The following ATAD3B variants were observed in gnomAD, a reference collection of about 807,000 sequenced individuals.
The protein encoded by ATAD3B is ATPase family AAA domain-containing protein 3B.
ATAD3B carries 59 observed loss-of-function variants against 70.2 expected under a neutral mutation model. The observed-to-expected ratio is 0.84, with a 90% CI of 0.68 to 1.04. The LOEUF is 1.04. ATAD3B is among the 50% of genes least tolerant of loss of function. ATAD3B has a pLI of 0.00. For synonymous variants in ATAD3B, 423 were observed against 388.6 expected (o/e 1.09, Z -1.04); for missense variants, 961 against 913.4 (o/e 1.05, Z -0.67).
chr1:1,489,732 C>T lies in ATAD3B; in HGVS notation c.1337+458C>T, dbSNP rs774484490. On this transcript the variant is annotated intron_variant, in intron 13 of 15. Transcript: ENST00000673477. ...ACACGGAGGATCAAGTCCTGCTGGTCGGCCGTGGCTGACTCTTCAGGCACG... is the reference window on the plus strand; with the variant it reads ...ACACGGAGGATCAAGTCCTGCTGGTTGGCCGTGGCTGACTCTTCAGGCACG... 544 of 1,309,536 alleles carry T rather than the reference C, an allele frequency of 4.2e-4. 8 individuals are homozygous for T. Among genetic ancestry groups the T allele is most frequent in the Non-Finnish European group, 5.2e-4 (514 of 994,052 alleles). 81.1% of individuals were successfully genotyped at this position (1,309,536 alleles called of 1,614,324 possible).
At chr1:1,491,647 T>C (rs1406436966) in intron 15 of ATAD3B, among the ~76,000 whole-genome samples, 1 of 152,036 alleles carries the variant, frequency 6.6e-6, no homozygotes, top group East Asian at 1.9e-4. Flanking sequence ...GCAGAGTCTG[T>C]GTGACAACCT....
chr1:1,482,585 G>T lies in ATAD3B; in HGVS notation c.721G>T (p.Val241Leu), dbSNP rs1639976516. ...GTTTGGGGAAGGATTCCGTGCCTTT[G>T]TGACAGACCGGGACAAAGTGACAGC... ...TLFGEGFRAF[V>L]TDRDKVTATV... Residue 241 changes from valine (V) to leucine (L), a missense_variant, in exon 7 of 16, where the codon GTG (valine) becomes TTG (leucine). Physicochemically the swap from Val to Leu is conservative, Grantham distance 32. This residue lies in a region of ATAD3B where 349 missense variants were observed against 307.5 expected (regional missense o/e 1.14). Transcript: ENST00000673477. The T allele has an allele frequency of 3.1e-6, 5 of 1,613,260 alleles. No homozygotes were observed. The highest frequency in any genetic ancestry group is 4.2e-6 in the Non-Finnish European group (5 of 1,179,548).
the ATAD3B span, among the ~76,000 whole-genome samples, chr1:1,505,501 T>C: frequency 6.6e-6 from 1 of 152,138 alleles, no homozygotes; most frequent in Non-Finnish European, 1.5e-5. Context: ...GAGTCTTCTC[T>C]AAACTCCCCC....
In ATAD3B at chr1:1,495,959, G is replaced by A; in HGVS notation, c.*142G>A. 14 of 1,396,428 alleles carry A rather than the reference G, an allele frequency of 1.0e-5. No homozygotes were observed. Among genetic ancestry groups the A allele is most frequent in the Non-Finnish European group, 1.2e-5 (13 of 1,077,756 alleles). The allele number at this position is 1,396,428 out of a possible 1,614,324, so 86.5% of individuals were successfully genotyped here. A position where few individuals can be genotyped will look rare whatever the true frequency, so the allele number is the denominator to read the frequency against. The stretch of plus-strand genomic sequence containing the variant: ...GCCACTGTGAGGGTGGGTGCTGGCT[G>A]AGCCCCTGGGGCAGAAGGAGTGGGG... On this transcript the variant is annotated 3_prime_UTR_variant, in exon 16 of 16. Coordinates refer to ENST00000673477, the MANE Select transcript of ATAD3B (RefSeq NM_031921.6).
chr1:1,473,781 A>T (rs1639453117), intron 1 of ATAD3B, among the ~76,000 whole-genome samples: 1 of 152,068 alleles, frequency 6.6e-6, no homozygotes, highest in East Asian at 1.9e-4. Flanking sequence ...GTCCTGAGCC[A>T]CCGCACCCTG....
downstream of ATAD3B, among the ~76,000 whole-genome samples, chr1:1,499,267 G>T (rs1355364867): frequency 6.9e-6 from 1 of 144,492 alleles, no homozygotes; most frequent in African/African-American, 2.6e-5. Context: ...CAGTGCGCCC[G>T]GCCTGGAATA....
At position 1,488,378 on chromosome 1, in the gene ATAD3B, AAC is replaced by A. The variant is rs573237382; in HGVS notation, c.1266+467_1266+468del. Among the ~76,000 whole-genome samples, 11 of 151,996 alleles carry A rather than the reference AAC, an allele frequency of 7.2e-5. No individual in the cohort carries two copies. The South Asian group carries it at 2.1e-3, about 29-fold the overall frequency. On this transcript the variant is annotated intron_variant, in intron 12 of 15. Transcript: ENST00000673477. ...GAAGCTGGGATTGCAGAGGCACACT[AAC>A]ACGCCCGGCTAATTTTTTTGTAACG...
In ATAD3B at chr1:1,478,715, C is replaced by T. The variant is rs1486068030; in HGVS notation, c.354C>T (p.Thr118=). Residue 118 remains threonine (T), a synonymous_variant, in exon 3 of 16, where the codon ACC becomes ACT. Coordinates refer to ENST00000673477, the MANE Select transcript of ATAD3B (RefSeq NM_031921.6). Reference sequence around the variant, plus strand: ...CGCAGGCTGAGGAGAGGAGGAAGACCCTGAGCGAGGAGACCCGGCAGCACC... The same window carrying T: ...CGCAGGCTGAGGAGAGGAGGAAGACTCTGAGCGAGGAGACCCGGCAGCACC... ...IRAQAEERRK[T]LSEETRQHQA... The T allele has an allele frequency of 6.5e-7, 1 of 1,530,394 alleles. No individual in the cohort carries two copies. Among genetic ancestry groups the T allele is most frequent in the African/African-American group, 1.4e-5 (1 of 69,226 alleles). The allele number at this position is 1,530,394 out of a possible 1,614,324, so 94.8% of individuals were successfully genotyped here. A position where few individuals can be genotyped will look rare whatever the true frequency, so the allele number is the denominator to read the frequency against.
rs1286454952 is a variant in ATAD3B, at chr1:1,473,201, G to A, written c.205+1112G>A. The stretch of plus-strand genomic sequence containing the variant: ...GTCGCCCAGGCTGGAGTGCAGTGAC[G>A]TGATCTCCACTCACTGCAAGCTCCG... On this transcript the variant is annotated intron_variant, in intron 1 of 15. Coordinates refer to ENST00000673477, the MANE Select transcript of ATAD3B (RefSeq NM_031921.6). 3.7e-5 allele frequency among the ~76,000 whole-genome samples: 5 copies of A among 134,604 alleles called. No homozygotes were observed. The South Asian group carries it at 9.7e-4, about 26-fold the overall frequency. 88.3% of individuals were successfully genotyped at this position (134,604 alleles called of 152,430 possible).
rs764565113 is a variant in ATAD3B at position 1,486,217 on chromosome 1, G to A, written c.1071G>A (p.Gly357=). Reference sequence around the variant, plus strand: ...TGCTGTATGGGCCACCAGGCACCGGGAAGACGCTGTTTGCCAAGGTGAGAG... The same window carrying A: ...TGCTGTATGGGCCACCAGGCACCGGAAAGACGCTGTTTGCCAAGGTGAGAG... ...HILLYGPPGT[G]KTLFAKKLAL... The change falls in exon 10 of 16, where the codon GGG becomes GGA. Residue 357 remains glycine (G), a synonymous_variant. Transcript: ENST00000673477. The A allele has an allele frequency of 4.3e-6, 7 of 1,612,948 alleles. No homozygotes were observed. The highest frequency in any genetic ancestry group is 5.9e-6 in the Non-Finnish European group (7 of 1,179,658).
Position 1,495,990 on chromosome 1 carries a change from G to A in ATAD3B, c.*173G>A, listed in dbSNP as rs1371376285. ...CTGGGGCAGAAGGAGTGGGGCAGGCGGGGTCTTTGTTCTCGGCTCCCACAG... is the reference window on the plus strand; with the variant it reads ...CTGGGGCAGAAGGAGTGGGGCAGGCAGGGTCTTTGTTCTCGGCTCCCACAG... On this transcript the variant is annotated 3_prime_UTR_variant, in exon 16 of 16. Coordinates refer to ENST00000673477, the MANE Select transcript of ATAD3B (RefSeq NM_031921.6). 2.8e-5 allele frequency: 38 copies of A among 1,362,758 alleles called. No homozygotes were observed. Among genetic ancestry groups the A allele is most frequent in the Admixed American group, 6.2e-5 (2 of 32,024 alleles). The allele number at this position is 1,362,758 out of a possible 1,614,324, so 84.4% of individuals were successfully genotyped here.
downstream of ATAD3B, among the ~76,000 whole-genome samples, chr1:1,502,506 CATTTT>C (rs1640966980): frequency 1.8e-5 from 2 of 113,706 alleles, no homozygotes; most frequent in African/African-American, 4.5e-5. Context: ...CCGTGCCCAG[CATTTT>C]TTTTTTTTTT....
At chr1:1,506,074 A>G in the ATAD3B span, among the ~76,000 whole-genome samples, 1 of 152,034 alleles carries the variant, frequency 6.6e-6, no homozygotes, top group African/African-American at 2.4e-5. Context: ...CTCTACTAAA[A>G]ATACAAAAAT....
intron 13 of ATAD3B, chr1:1,489,964 A>G (rs1311776966): frequency 6.3e-6 from 8 of 1,275,464 alleles, no homozygotes; most frequent in Non-Finnish European, 8.0e-6. Flanking sequence ...AGGTAGCAGG[A>G]GGGAGTGGTG....
rs538491006 is a variant in ATAD3B, at chr1:1,482,164, C to T, written c.541C>T (p.Arg181Trp). The T allele has an allele frequency of 2.9e-5, 47 of 1,609,970 alleles. No homozygotes were observed. The highest frequency in any genetic ancestry group is 2.0e-4 in the South Asian group (18 of 90,682). The change falls in exon 6 of 16, where the codon CGG becomes TGG. Residue 181 changes from arginine to tryptophan, a missense_variant. Arg to Trp is a moderately radical substitution (Grantham distance 101). Transcript: ENST00000673477. ...CACCGTGGAGCGGGAGATGGAGCTG[C>T]GGCACAAGAATGAGATGCTGCGAGT... Reference protein sequence around the residue: ...RATVEREMELRHKNEMLRVET... With the variant: ...RATVEREMELWHKNEMLRVET...
intron 15 of ATAD3B, among the ~76,000 whole-genome samples, chr1:1,494,863 T>G (rs553155406): frequency 6.6e-6 from 1 of 152,030 alleles, no homozygotes; most frequent in South Asian, 2.1e-4. Context: ...GTGCCTCCCC[T>G]TGGGGACTCC....
chr1:1,483,246 G>A, intron 7 of ATAD3B: 1 of 345,730 alleles, frequency 2.9e-6, no homozygotes, highest in South Asian at 2.2e-5. Context: ...AATGAGTCGA[G>A]ATCCCGCCAC....
At position 1,485,034 on chromosome 1, in the gene ATAD3B, C is replaced by A. The variant is rs767350404; in HGVS notation, c.769C>A (p.Leu257Met). 9 of 1,603,396 alleles carry A rather than the reference C, an allele frequency of 5.6e-6. No homozygotes were observed. In the Admixed American group the frequency reaches 1.5e-4, roughly 27 times the overall value. Residue 257 changes from leucine to methionine, a missense_variant, in exon 8 of 16, where the codon CTG becomes ATG. Leu to Met is a conservative substitution (Grantham distance 15). Around this residue, in one of 4 missense-constraint regions of ATAD3B, gnomAD observed 349 missense variants for 307.5 expected, o/e 1.14. Transcript: ENST00000673477. ...VTATVAGLTL[L>M]AVGVYSAKNA... ...GCTGCAGGTGGCTGGGCTGACGCTG[C>A]TGGCTGTCGGGGTCTACTCAGCCAA...
At chr1:1,509,256 A>G in the ATAD3B span, 16 of 1,612,772 alleles carry the variant, frequency 9.9e-6, no homozygotes, top group African/African-American at 6.7e-5. Flanking sequence ...CATGATGGAC[A>G]CCCGCGTGCA....
Sources: allele counts gnomAD v4.1 joint callset (sites outside exome capture counted in the v4.1 genomes callset), GRCh38; gene constraint gnomAD v4.1.1; regional missense constraint gnomAD v4.1.1; transcripts MANE v1.5; gene names NCBI Gene and HGNC (gene_info 2026-07-23, HGNC 2026-07-21).